IL18RAP: variants seen among roughly 807,000 people sequenced by gnomAD.
The protein encoded by IL18RAP is interleukin-18 receptor accessory protein.
Under a neutral mutation model 58.1 loss-of-function variants are expected in IL18RAP, and 37 were observed. The observed-to-expected ratio is 0.64, with a 90% CI of 0.49 to 0.84. The LOEUF (loss-of-function observed/expected upper bound fraction) is 0.84. IL18RAP is among the 40% of genes least tolerant of loss of function. IL18RAP has a pLI of 0.00. For missense variants in IL18RAP, 667 were observed against 704.8 expected (o/e 0.95, Z 0.61); for synonymous variants, 268 against 257.5 (o/e 1.04, Z -0.39).
At chr2:102,436,819 G>GTGTATA (rs1553404995) in intron 3 of IL18RAP, among the ~76,000 whole-genome samples, 289 of 149,982 alleles carry the variant, frequency 1.9e-3, no homozygotes, top group African/African-American at 7.0e-3. Context: ...GTGTGTGTGT[G>GTGTATA]TATATATATA....
intron 3 of IL18RAP, among the ~76,000 whole-genome samples, chr2:102,436,953 T>C (rs969985268): frequency 2.0e-5 from 3 of 152,118 alleles, no homozygotes; most frequent in African/African-American, 4.8e-5. Flanking sequence ...CTTTGTTAAA[T>C]AGCTGTTTAG....
chr2:102,446,138 T>C (rs1392361889), intron 7 of IL18RAP, among the ~76,000 whole-genome samples: 1 of 152,096 alleles, frequency 6.6e-6, no homozygotes, highest in Non-Finnish European at 1.5e-5. Flanking sequence ...ATTTACAATA[T>C]GCAATGAGAG....
chr2:102,419,841 T>C (rs1257364935), upstream of IL18RAP: 1 of 152,258 alleles, frequency 6.6e-6, no homozygotes, highest in Admixed American at 6.5e-5. Context: ...TTCCAAGCAA[T>C]GTGAGCCTTG....
chr2:102,431,888 G>T (rs1682388728), intron 3 of IL18RAP, among the ~76,000 whole-genome samples: 1 of 151,580 alleles, frequency 6.6e-6, no homozygotes, highest in Non-Finnish European at 1.5e-5. Flanking sequence ...TACTTTAAGA[G>T]GATTATTCTG....
intron 7 of IL18RAP, among the ~76,000 whole-genome samples, chr2:102,446,814 T>C (rs1573301532): frequency 7.2e-6 from 1 of 139,470 alleles, no homozygotes; most frequent in Non-Finnish European, 1.6e-5. Flanking sequence ...AAAAAAAAAG[T>C]ATAATGAATA....
In IL18RAP at chr2:102,452,380, C is replaced by T. The variant is rs1683828709; in HGVS notation, c.*199C>T. 3 of 520,176 alleles carry T rather than the reference C, an allele frequency of 5.8e-6. No homozygotes were observed. The highest frequency in any genetic ancestry group is 1.9e-5 in the African/African-American group (1 of 52,526). 32.2% of individuals were successfully genotyped at this position (520,176 alleles called of 1,614,324 possible). ...TTGATTTCCTGGACTGGACTGACGG[C>T]GAGTGAATTCTCTAGACCTTGGGTA... On this transcript the variant is annotated 3_prime_UTR_variant, in exon 10 of 10. Coordinates refer to ENST00000687160, the MANE Select transcript of IL18RAP (RefSeq NM_001393487.1).
intron 3 of IL18RAP, chr2:102,434,897 G>C (rs767890612): frequency 1.3e-5 from 2 of 152,100 alleles, no homozygotes; most frequent in African/African-American, 2.4e-5. Context: ...CCTTTTCTAA[G>C]GGTTCATAAA....
At chr2:102,432,753 G>T (rs975174890) in intron 3 of IL18RAP, among the ~76,000 whole-genome samples, 4 of 152,196 alleles carry the variant, frequency 2.6e-5, no homozygotes, top group African/African-American at 9.7e-5. Flanking sequence ...GCAGGAAGGT[G>T]CTGGAGCCTG....
rs140618375 is a variant in IL18RAP, at chr2:102,444,620, G to T, written c.921-569G>T. On this transcript the variant is annotated intron_variant, in intron 6 of 9. Coordinates refer to ENST00000687160, the MANE Select transcript of IL18RAP (RefSeq NM_001393487.1). ...TGGATTGTAGATTGGTAACTTCAGA[G>T]AACTCAAATTGTGAATAAATGCCAA... is the stretch of plus-strand genomic sequence containing the variant. Among the ~76,000 whole-genome samples the T allele has an allele frequency of 2.3e-3, 351 of 152,322 alleles. 2 individuals are homozygous for T. Among genetic ancestry groups the T allele is most frequent in the African/African-American group, 8.1e-3 (338 of 41,556 alleles).
At chr2:102,449,712 T>C (rs993035695) in intron 8 of IL18RAP, among the ~76,000 whole-genome samples, 1 of 152,200 alleles carries the variant, frequency 6.6e-6, no homozygotes, top group Non-Finnish European at 1.5e-5. Context: ...TCTAATTTTA[T>C]GACTAAATAA....
rs1683345409 is a variant in IL18RAP, at chr2:102,445,273, T to G, written c.1005T>G (p.Phe335Leu). The change falls in exon 7 of 10, where the codon TTT becomes TTG. Residue 335 changes from phenylalanine to leucine, a missense_variant. Phe to Leu is a conservative substitution (Grantham distance 22). Transcript: ENST00000687160. ...KVTQRDLRRK[F>L]VCFVQNSIGN... ...CTCAGCGTGATCTTCGCAGGAAGTT[T>G]GTTTGCTTTGTCCAGAACTCCATTG... 1 of 1,614,100 alleles carries G rather than the reference T, an allele frequency of 6.2e-7. No individual in the cohort carries two copies. The highest frequency in any genetic ancestry group is 8.5e-7 in the Non-Finnish European group (1 of 1,180,044).
intron 6 of IL18RAP, 111 bp from the exon 7 acceptor site, chr2:102,445,078 C>G (rs1238542202): frequency 7.2e-6 from 6 of 830,336 alleles, no homozygotes; most frequent in African/African-American, 1.7e-5. Context: ...TACTATTGAT[C>G]TCACAGTTCT....
At chr2:102,430,075 T>C (rs897254291) in intron 3 of IL18RAP, among the ~76,000 whole-genome samples, 2 of 152,006 alleles carry the variant, frequency 1.3e-5, no homozygotes, top group African/African-American at 4.8e-5. Context: ...GTCTGTTAGG[T>C]CCATTTGGTC....
Position 102,424,228 on chromosome 2 carries a change from T to C in IL18RAP, c.396-3T>C, listed in dbSNP as rs112049774. ...TGTTCACAGGATCTTGTTAATTTCC[T>C]AGGAGCCCCTATGATGTAGCCTGTT... On this transcript the variant is annotated splice_polypyrimidine_tract_variant and splice_region_variant and intron_variant, in intron 2 of 9. Transcript: ENST00000687160. 6.6e-5 allele frequency: 106 copies of C among 1,613,432 alleles called. 1 individual carries two copies. The African/African-American group carries it at 1.0e-3, about 15-fold the overall frequency.
At chr2:102,420,623 T>C (rs1055196992), upstream of IL18RAP, among the ~76,000 whole-genome samples, 5 of 152,172 alleles carry the variant, frequency 3.3e-5, no homozygotes, top group Non-Finnish European at 1.5e-5. Flanking sequence ...AATTGCGGGA[T>C]GGTAGAGCTG....
chr2:102,450,081 G>C (rs1683669489), intron 8 of IL18RAP, among the ~76,000 whole-genome samples: 1 of 151,448 alleles, frequency 6.6e-6, no homozygotes, highest in Non-Finnish European at 1.5e-5. Context: ...AGGGATTGTG[G>C]AAATTGCTGG....
At chr2:102,450,324 C>T (rs535182990) in intron 8 of IL18RAP, among the ~76,000 whole-genome samples, 1 of 114,360 alleles carries the variant, frequency 8.7e-6, no homozygotes, top group East Asian at 2.6e-4. Context: ...TACATTATCT[C>T]ATGAAACCCT....
chr2:102,424,113 A>G lies in IL18RAP; in HGVS notation c.373A>G (p.Ile125Val), dbSNP rs1469238037. Residue 125 changes from isoleucine (I) to valine (V), a missense_variant, in exon 2 of 10, where the codon ATT becomes GTT. By Grantham distance (29) the Ile-to-Val change is conservative. Transcript: ENST00000687160. Reference protein sequence around the residue: ...TPGVNNSGSYICRPKMIKSPY... With the variant: ...TPGVNNSGSYVCRPKMIKSPY... The stretch of plus-strand genomic sequence containing the variant: ...AGGGGTGAATAATTCTGGGTCATAT[A>G]TTTGTAGACCCAAGATGATTAAGTA... 2 of 1,612,740 alleles carry G rather than the reference A, an allele frequency of 1.2e-6. No homozygotes were observed. Among genetic ancestry groups the G allele is most frequent in the Admixed American group, 1.7e-5 (1 of 59,936 alleles).
chr2:102,423,853 G>A lies in IL18RAP; in HGVS notation c.113G>A (p.Ser38Asn), dbSNP rs1194146135. Residue 38 changes from serine (S) to asparagine (N), a missense_variant, in exon 2 of 10, where the codon AGT becomes AAT. Ser to Asn is a conservative substitution (Grantham distance 46). Coordinates refer to ENST00000687160, the MANE Select transcript of IL18RAP (RefSeq NM_001393487.1). ...CTCCTTTGGACATATTCTACAAGGA[G>A]TGAAGAGGAATTTGTCTTATTTTGT... Reference protein sequence around the residue: ...KKLLWTYSTRSEEEFVLFCDL... With the variant: ...KKLLWTYSTRNEEEFVLFCDL... 2 of 1,613,988 alleles carry A rather than the reference G, an allele frequency of 1.2e-6. No individual in the cohort carries two copies. The highest frequency in any genetic ancestry group is 8.5e-7 in the Non-Finnish European group (1 of 1,179,948).
Sources: gnomAD v4.1 joint callset for allele counts (sites outside exome capture counted in the v4.1 genomes callset) on GRCh38, gnomAD v4.1.1 for gene constraint, MANE v1.5 for transcripts, NCBI Gene and HGNC (gene_info 2026-07-23, HGNC 2026-07-21) for gene names.